The following NCAPG2 variants were observed in gnomAD, a reference collection of about 807,000 sequenced individuals.
NCAPG2 encodes non-SMC condensin II complex subunit G2.
NCAPG2 carries 53 observed loss-of-function variants against 141.1 expected under a neutral mutation model. That is an observed-to-expected ratio of 0.38 (90% CI 0.30 to 0.47). The LOEUF is 0.47. Ranked by LOEUF, NCAPG2 falls within the 20% of genes least tolerant of loss-of-function variation. The pLI is 0.99. For synonymous variants in NCAPG2, 499 were observed against 490.7 expected, an observed-to-expected ratio of 1.02 and a Z score of -0.22; for missense variants, 1,087 against 1,389.0, an observed-to-expected ratio of 0.78 and a Z score of 3.46.
chr7:158,670,060 G>A (rs958774019), intron 13 of NCAPG2, among the ~76,000 whole-genome samples: 6 of 152,020 alleles, frequency 3.9e-5, no homozygotes, highest in Non-Finnish European at 7.4e-5. Flanking sequence ...CAGAATAAAC[G>A]GATCAACACA....
intron 25 of NCAPG2, 24 bp from the exon 26 acceptor site, chr7:158,645,643 A>G: frequency 6.3e-7 from 1 of 1,592,744 alleles, no homozygotes; most frequent in Non-Finnish European, 8.6e-7. Context: ...AACAAACATC[A>G]AAATTACTGT....
intron 21 of NCAPG2, 34 bp downstream of exon 21, chr7:158,655,084 A>G: frequency 6.4e-7 from 1 of 1,560,768 alleles, no homozygotes; most frequent in Non-Finnish European, 8.6e-7. Flanking sequence ...AAACTTGGTA[A>G]AGAGAAAGTT....
At chr7:158,659,860 C>T (rs1374798214) in intron 16 of NCAPG2, among the ~76,000 whole-genome samples, 3 of 152,016 alleles carry the variant, frequency 2.0e-5, no homozygotes, top group African/African-American at 7.2e-5. Flanking sequence ...GCCTGTAATC[C>T]CAGCACTTTG....
rs765546757 is a variant in NCAPG2 at position 158,664,259 on chromosome 7, G to A, written c.1740C>T (p.Ala580=). 5 of 1,613,932 alleles carry A rather than the reference G, an allele frequency of 3.1e-6. No homozygotes were observed. Among genetic ancestry groups the A allele is most frequent in the Middle Eastern group, 1.7e-4 (1 of 6,058 alleles). Residue 580 remains alanine (A), a synonymous_variant, in exon 15 of 28, where the codon GCC becomes GCT. Transcript: ENST00000356309. The part of the protein sequence containing the change: ...LIHVIRHCLN[A]CIQRAVREPP... ...GCTCTCTCACTGCCCTCTGGATACA[G>A]GCATTTAAGCAATGACGAATAACGT...
chr7:158,687,208 C>A (rs1834818012), intron 7 of NCAPG2, 140 bp downstream of exon 7: 6 of 482,816 alleles, frequency 1.2e-5, no homozygotes, highest in South Asian at 4.7e-5. Flanking sequence ...AAAAAGCTAC[C>A]CAGTGATCCA....
chr7:158,695,282 G>C (rs2123656), intron 2 of NCAPG2, among the ~76,000 whole-genome samples: 134,587 of 152,194 alleles, frequency 0.88, 59,579 homozygotes, highest in Admixed American at 0.93. Context: ...GCACAGAAAC[G>C]AATCAGGACC....
rs371097646 is a variant in NCAPG2 at position 158,633,606 on chromosome 7, C to T, written c.3381-1889G>A. 9.2e-5 allele frequency among the ~76,000 whole-genome samples: 14 copies of T among 152,138 alleles called. No homozygotes were observed. The highest frequency in any genetic ancestry group is 3.4e-4 in the African/African-American group (14 of 41,430). On this transcript the variant is annotated intron_variant, in intron 27 of 27. Coordinates refer to ENST00000356309, the MANE Select transcript of NCAPG2 (RefSeq NM_017760.7). The surrounding 1 kb of genome is among the most constrained non-coding windows in gnomAD (Gnocchi z 4.1). ...AGGGTCTCCTGCCCATTCCCTGAGT[C>T]CCCCAAGGAGAAGAGAGTGCTCTCT...
intron 13 of NCAPG2, among the ~76,000 whole-genome samples, chr7:158,666,288 G>A (rs1832927988): frequency 6.6e-6 from 1 of 152,154 alleles, no homozygotes; most frequent in Admixed American, 6.5e-5. Flanking sequence ...AAGCCTCCTG[G>A]CCACAGGCTC....
At chr7:158,674,736 C>T (rs1320872117) in intron 12 of NCAPG2, among the ~76,000 whole-genome samples, 1 of 152,254 alleles carries the variant, frequency 6.6e-6, no homozygotes, top group Non-Finnish European at 1.5e-5. Context: ...AAGAGGAAGT[C>T]ACCTGCTTTG....
chr7:158,687,270 C>T lies in NCAPG2; in HGVS notation c.767+78G>A, dbSNP rs1834825723. On this transcript the variant is annotated intron_variant, in intron 7 of 27. Coordinates refer to ENST00000356309, the MANE Select transcript of NCAPG2 (RefSeq NM_017760.7). ...TAAAGCTTCTAATCCATTACTATAA[C>T]TTAAGAAGTCAGACCAAATGGAATC... 2.0e-5 allele frequency: 19 copies of T among 953,622 alleles called. No individual in the cohort carries two copies. The South Asian group carries it at 2.7e-4, about 14-fold the overall frequency. The allele number at this position is 953,622 out of a possible 1,614,324, so 59.1% of individuals were successfully genotyped here.
intron 13 of NCAPG2, among the ~76,000 whole-genome samples, chr7:158,669,778 A>G (rs1335916638): frequency 6.7e-6 from 1 of 150,120 alleles, no homozygotes; most frequent in Admixed American, 6.7e-5. Context: ...CAAAAAAAAA[A>G]AAAAAAAAAA....
chr7:158,698,931 A>T (rs1231364071), intron 2 of NCAPG2, among the ~76,000 whole-genome samples: 11 of 151,850 alleles, frequency 7.2e-5, no homozygotes. Flanking sequence ...GACCACAGGC[A>T]CAAGCCACTA....
At chr7:158,667,067 C>T in intron 13 of NCAPG2, 6 of 925,002 alleles carry the variant, frequency 6.5e-6, no homozygotes, top group Non-Finnish European at 7.7e-6. Flanking sequence ...AGCCAGACTG[C>T]CTCTTATACT....
chr7:158,652,549 C>A, intron 22 of NCAPG2, 69 bp from the exon 23 acceptor site: 1 of 1,209,766 alleles, frequency 8.3e-7, no homozygotes, highest in South Asian at 1.5e-5. Context: ...ACACATTTCT[C>A]ACTTAACACA....
At chr7:158,632,497 A>G (rs898970637) in intron 27 of NCAPG2, among the ~76,000 whole-genome samples, 7 of 152,238 alleles carry the variant, frequency 4.6e-5, no homozygotes, top group African/African-American at 1.7e-4. Context: ...GAGAAGCAAT[A>G]AAGAAAAGCT....
intron 12 of NCAPG2, among the ~76,000 whole-genome samples, chr7:158,674,263 G>A (rs1033540192): frequency 2.0e-5 from 3 of 149,102 alleles, no homozygotes; most frequent in African/African-American, 7.5e-5. Flanking sequence ...AGAGGGAGAG[G>A]TTGAATATGC....
rs1407112008 is a variant in NCAPG2, at chr7:158,698,197, A to AAAAGTTTAAAATTTTTTT, written c.78+3624_78+3625insAAAAAAATTTTAAACTTT. On this transcript the variant is annotated intron_variant, in intron 2 of 27. Coordinates refer to ENST00000356309, the MANE Select transcript of NCAPG2 (RefSeq NM_017760.7). ...GCTAAGTGTTATTATAAAGGATTTT[A>AAAAGTTTAAAATTTTTTT]AAAGTTTATCAAGTAAAACAGTTAC... Among the ~76,000 whole-genome samples the AAAAGTTTAAAATTTTTTT allele has an allele frequency of 1.6e-4, 24 of 152,346 alleles. 1 individual carries two copies. The highest frequency in any genetic ancestry group is 5.3e-4 in the African/African-American group (22 of 41,584).
intron 22 of NCAPG2, among the ~76,000 whole-genome samples, chr7:158,653,381 A>AT (rs1563512643): frequency 6.5e-4 from 67 of 103,710 alleles, no homozygotes; most frequent in African/African-American, 1.9e-3. Flanking sequence ...AAAAAAATAA[A>AT]AAAAAAAATA....
intron 26 of NCAPG2, among the ~76,000 whole-genome samples, chr7:158,645,066 A>C (rs1406653832): frequency 2.0e-5 from 3 of 152,248 alleles, no homozygotes; most frequent in Non-Finnish European, 2.9e-5. Context: ...TCCCAGTACT[A>C]CTTGAACTGG....
Sources: gnomAD v4.1 joint callset for allele counts (sites outside exome capture counted in the v4.1 genomes callset) on GRCh38, gnomAD v4.1.1 for gene constraint, Gnocchi (gnomAD v3.1) non-coding constraint, MANE v1.5 for transcripts, NCBI Gene and HGNC (gene_info 2026-07-23, HGNC 2026-07-21) for gene names.